Variants in TMX1 observed in about 807,000 individuals in gnomAD.
TMX1 encodes the protein thioredoxin-related transmembrane protein 1.
In TMX1, 25 loss-of-function variants were observed where a neutral mutation model predicts 36.6. The ratio of observed to expected loss-of-function variants is 0.68; its 90% confidence interval spans 0.50 to 0.95. The LOEUF is 0.95. TMX1 is among the 40% of genes least tolerant of loss of function. The pLI is 0.00. For missense variants in TMX1, 347 were observed against 339.6 expected (o/e 1.02, Z -0.17); for synonymous variants, 133 against 118.0 (o/e 1.13, Z -0.82).
At chr14:51,246,072 CCTTTTTT>C (rs2065784153) in intron 3 of TMX1, among the ~76,000 whole-genome samples, 1 of 152,058 alleles carries the variant, frequency 6.6e-6, no homozygotes, top group African/African-American at 2.4e-5. Context: ...TTTTCTTTGC[CCTTTTTT>C]CTTTTTTTTA....
chr14:51,248,190 C>A (rs1338883592), intron 4 of TMX1, among the ~76,000 whole-genome samples: 1 of 152,202 alleles, frequency 6.6e-6, no homozygotes, highest in Non-Finnish European at 1.5e-5. Context: ...AGCATGCTTT[C>A]TGCTTTGCTG....
In TMX1 at chr14:51,255,302, A is replaced by T. The variant is rs986341619; in HGVS notation, c.*783A>T. The T allele has an allele frequency of 6.6e-6, 1 of 151,776 alleles. No individual in the cohort carries two copies. Among genetic ancestry groups the T allele is most frequent in the Non-Finnish European group, 1.5e-5 (1 of 67,882 alleles). The allele number at this position is 151,776 out of a possible 1,614,324, so 9.4% of individuals were successfully genotyped here. ...GTTTCAAACTGAAGTTTACTGAGAG[A>T]TCCATCAAATTGAACAATCTGTTGT... On this transcript the variant is annotated 3_prime_UTR_variant, in exon 8 of 8. Transcript: ENST00000457354.
chr14:51,249,443 GT>G (rs59489282), intron 5 of TMX1, 24 bp from the exon 6 acceptor site: 681,718 of 1,394,086 alleles, frequency 0.49, 126,828 homozygotes, highest in Admixed American at 0.5. Flanking sequence ...CAGATTTTTA[GT>G]TTTTTTTTTT....
chr14:51,255,495 T>C lies in TMX1; in HGVS notation c.*976T>C, dbSNP rs1213960745. ...TTACATTTTGAAAATTCAAAGAAGC[T>C]TAATATAAAAGTTTGCATTCTACTC... is the stretch of plus-strand genomic sequence containing the variant. On this transcript the variant is annotated 3_prime_UTR_variant, in exon 8 of 8. Transcript: ENST00000457354. 6.6e-6 allele frequency: 1 copy of C among 152,030 alleles called. No individual in the cohort carries two copies. Among genetic ancestry groups the C allele is most frequent in the Non-Finnish European group, 1.5e-5 (1 of 67,908 alleles). 9.4% of individuals were successfully genotyped at this position (152,030 alleles called of 1,614,324 possible).
chr14:51,245,898 G>C, intron 3 of TMX1: 1 of 181,508 alleles, frequency 5.5e-6, no homozygotes, highest in Non-Finnish European at 1.2e-5. Flanking sequence ...AACAGAATGA[G>C]CAAGATTATG....
chr14:51,251,232 C>T (rs1447019656), intron 7 of TMX1, among the ~76,000 whole-genome samples: 4 of 152,084 alleles, frequency 2.6e-5, no homozygotes, highest in African/African-American at 4.8e-5. Flanking sequence ...CAGTAGAAAC[C>T]GTACTTTAAA....
rs761936525 is a variant in TMX1 at position 51,240,403 on chromosome 14, G to A, written c.111G>A (p.Glu37=). 6.2e-7 allele frequency: 1 copy of A among 1,614,054 alleles called. No homozygotes were observed. Among genetic ancestry groups the A allele is most frequent in the East Asian group, 2.2e-5 (1 of 44,886 alleles). The change falls in exon 1 of 8, where the codon GAG becomes GAA. Residue 37 remains glutamate, a synonymous_variant. Coordinates refer to ENST00000457354, the MANE Select transcript of TMX1 (RefSeq NM_030755.5). Reference sequence around the variant, plus strand: ...GCAACGTTCGCGTCATCACGGACGAGAACTGGAGAGAACTGCTGGAAGGAG... The same window carrying A: ...GCAACGTTCGCGTCATCACGGACGAAAACTGGAGAGAACTGCTGGAAGGAG... ...RRSNVRVITD[E]NWRELLEGDW...
chr14:51,248,715 C>T (rs921073006), intron 4 of TMX1, among the ~76,000 whole-genome samples: 1 of 152,178 alleles, frequency 6.6e-6, no homozygotes, highest in African/African-American at 2.4e-5. Flanking sequence ...ACAGACCTTT[C>T]TTATTTCTGA....
At position 51,245,306 on chromosome 14, in the gene TMX1, T is replaced by C; in HGVS notation, c.269-7T>C. The C allele has an allele frequency of 6.2e-7, 1 of 1,613,756 alleles. No individual in the cohort carries two copies. Among genetic ancestry groups the C allele is most frequent in the Non-Finnish European group, 8.5e-7 (1 of 1,179,956 alleles). On this transcript the variant is annotated splice_region_variant and splice_polypyrimidine_tract_variant and intron_variant, in intron 2 of 7. Transcript: ENST00000457354. Reference sequence around the variant, plus strand: ...TGTAAAACCTGCTGTGTGTTCTTTATTTGTAGGACTGAGTGGACGGTTTAT... The same window carrying C: ...TGTAAAACCTGCTGTGTGTTCTTTACTTGTAGGACTGAGTGGACGGTTTAT...
intron 2 of TMX1, 73 bp from the exon 3 acceptor site, chr14:51,245,240 A>G (rs2065779794): frequency 6.5e-7 from 1 of 1,544,882 alleles, no homozygotes; most frequent in Non-Finnish European, 8.9e-7. Flanking sequence ...ATGTATTTAA[A>G]TAATTCAAAG....
Position 51,240,253 on chromosome 14 carries a change from A to G in TMX1, c.-40A>G. 1.3e-6 allele frequency: 2 copies of G among 1,599,116 alleles called. No homozygotes were observed. Among genetic ancestry groups the G allele is most frequent in the Non-Finnish European group, 8.5e-7 (1 of 1,176,758 alleles). On this transcript the variant is annotated 5_prime_UTR_variant, in exon 1 of 8. Coordinates refer to ENST00000457354, the MANE Select transcript of TMX1 (RefSeq NM_030755.5). ...AGCAGCCCGCGAGGGCGGAAGTGGG[A>G]GCTGCGACCGCGCTCCCTGTGAGGT...
intron 2 of TMX1, 119 bp from the exon 3 acceptor site, chr14:51,245,194 A>G (rs377140283): frequency 1.7e-6 from 2 of 1,202,096 alleles, no homozygotes; most frequent in East Asian, 2.5e-5. Context: ...ACGAAGCTCA[A>G]CTATTAGGTA....
intron 1 of TMX1, among the ~76,000 whole-genome samples, chr14:51,243,595 G>A (rs2065772158): frequency 6.6e-6 from 1 of 152,148 alleles, no homozygotes; most frequent in Non-Finnish European, 1.5e-5. Context: ...TTTCTAAAGA[G>A]CTGTTTTGCA....
intron 1 of TMX1, 24 bp from the exon 2 acceptor site, chr14:51,243,832 T>TA (rs1555359882): frequency 8.9e-5 from 136 of 1,536,134 alleles, no homozygotes; most frequent in South Asian, 1.3e-4. Flanking sequence ...TAACTTTTTT[T>TA]AAAAAAAAAT....
chr14:51,245,406 T>C, intron 3 of TMX1, 48 bp downstream of exon 3: 1 of 1,608,032 alleles, frequency 6.2e-7, no homozygotes. Flanking sequence ...CATTATAGTG[T>C]AATCAGAAGT....
intron 1 of TMX1, among the ~76,000 whole-genome samples, chr14:51,243,508 A>T (rs76743833): frequency 0.021 from 3,166 of 152,332 alleles, 120 homozygotes; most frequent in African/African-American, 0.072. Flanking sequence ...TGCATTATAA[A>T]TTATTAAAAT....
At chr14:51,243,147 A>G (rs1267253971) in intron 1 of TMX1, among the ~76,000 whole-genome samples, 1 of 152,114 alleles carries the variant, frequency 6.6e-6, no homozygotes, top group African/African-American at 2.4e-5. Flanking sequence ...GATAAAATAC[A>G]ATAAAGTGGA....
Position 51,244,085 on chromosome 14 carries a change from A to G in TMX1, c.268+114A>G, listed in dbSNP as rs1294722423. The G allele has an allele frequency of 3.5e-6, 3 of 858,886 alleles. No homozygotes were observed. The African/African-American group carries it at 5.2e-5, about 15-fold the overall frequency. The allele number at this position is 858,886 out of a possible 1,614,324, so 53.2% of individuals were successfully genotyped here. A position where few individuals can be genotyped will look rare whatever the true frequency, so the allele number is the denominator to read the frequency against. On this transcript the variant is annotated intron_variant, in intron 2 of 7. Transcript: ENST00000457354. The stretch of plus-strand genomic sequence containing the variant: ...CCTTTCTTTAGGTTTTGAAAACCTA[A>G]CAGTCTGCAGCTAGTTAACCTGACT...
chr14:51,245,556 T>C, intron 3 of TMX1, 198 bp downstream of exon 3: 1 of 1,335,984 alleles, frequency 7.5e-7, no homozygotes, highest in Non-Finnish European at 1.0e-6. Context: ...CAGTCTCTGT[T>C]CTCAAAGATT....
Sources: gnomAD v4.1 joint callset for allele counts (sites outside exome capture counted in the v4.1 genomes callset) on GRCh38, gnomAD v4.1.1 for gene constraint, MANE v1.5 for transcripts, NCBI Gene and HGNC (gene_info 2026-07-23, HGNC 2026-07-21) for gene names.